The following TAF6 variants were observed in gnomAD, a reference collection of about 807,000 sequenced individuals.
TAF6 encodes the protein TATA-box binding protein associated factor 6.
Under a neutral mutation model 73.5 loss-of-function variants are expected in TAF6, and 50 were observed. The observed-to-expected ratio is 0.68, with a 90% CI of 0.54 to 0.86. The LOEUF (loss-of-function observed/expected upper bound fraction) is 0.86, where lower values mean the gene tolerates loss of function less well. Among genes scored for constraint, TAF6 ranks in the 40% least tolerant of loss-of-function variants. The pLI is 0.00. For missense variants in TAF6, 768 were observed against 899.5 expected, an observed-to-expected ratio of 0.85 and a Z score of 1.87; for synonymous variants, 424 against 376.7, an observed-to-expected ratio of 1.13 and a Z score of -1.45.
At chr7:100,119,066 G>A (rs2116872754) in intron 1 of TAF6, 138 bp downstream of exon 1, 1 of 986,118 alleles carries the variant, frequency 1.0e-6, no homozygotes, top group Non-Finnish European at 1.2e-6. Flanking sequence ...TAACTTAAGC[G>A]AGATCCCAGC....
the TAF6 span, among the ~76,000 whole-genome samples, chr7:100,126,301 C>T: frequency 3.3e-5 from 5 of 152,146 alleles, no homozygotes; most frequent in Admixed American, 3.3e-4. Flanking sequence ...GAGATCACGC[C>T]ACTGCACTCT....
At chr7:100,116,134 A>G (rs977019698) in intron 1 of TAF6, among the ~76,000 whole-genome samples, 3 of 152,170 alleles carry the variant, frequency 2.0e-5, no homozygotes, top group African/African-American at 7.2e-5. Context: ...GTTGCAGCCA[A>G]AATGCTTCTG....
rs757488398 is a variant in TAF6, at chr7:100,111,796, G to A, written c.832C>T (p.Leu278=). 6.2e-7 allele frequency: 1 copy of A among 1,614,222 alleles called. No homozygotes were observed. The highest frequency in any genetic ancestry group is 1.1e-5 in the South Asian group (1 of 91,084). ...ACCATACGCATCAGGTAGATGAGTAGGGCCAGGTTGTTCTGAACCACGTTC... is the reference window on the plus strand; with the variant it reads ...ACCATACGCATCAGGTAGATGAGTAAGGCCAGGTTGTTCTGAACCACGTTC... The part of the protein sequence containing the change: ...RVNVVQNNLA[L]LIYLMRMVKA... The change falls in exon 9 of 15, where the codon CTA becomes TTA. Residue 278 remains leucine, a synonymous_variant. Coordinates refer to ENST00000453269, the MANE Select transcript of TAF6 (RefSeq NM_139315.3).
rs1797148584 is a variant in TAF6, at chr7:100,111,132, G to T, written c.1083+7C>A. On this transcript the variant is annotated splice_region_variant and intron_variant, in intron 10 of 14. Coordinates refer to ENST00000453269, the MANE Select transcript of TAF6 (RefSeq NM_139315.3). ...AAGCAAATGACGCTCAAGTTTTCCT[G>T]GCTCACCTTGGTGAAGGTCTTGGTG... 1.2e-6 allele frequency: 2 copies of T among 1,610,634 alleles called. No individual in the cohort carries two copies. Among genetic ancestry groups the T allele is most frequent in the Admixed American group, 1.7e-5 (1 of 59,914 alleles).
chr7:100,108,358 G>A lies in TAF6; in HGVS notation c.1458+9C>T. On this transcript the variant is annotated intron_variant, in intron 13 of 14. Transcript: ENST00000453269. ...TCCTCCTATTCCTCCTCCCCACCCG[G>A]CCACGGACCTGCGTGATGGTCAGAG... 1 of 1,591,966 alleles carries A rather than the reference G, an allele frequency of 6.3e-7. No homozygotes were observed. Among genetic ancestry groups the A allele is most frequent in the Non-Finnish European group, 8.6e-7 (1 of 1,165,724 alleles).
At chr7:100,122,680 A>AC, upstream of TAF6, 1 of 1,522,264 alleles carries the variant, frequency 6.6e-7, no homozygotes, top group East Asian at 2.3e-5. Flanking sequence ...CCATCATGGA[A>AC]CTCACCCTTG....
rs1467702767 is a variant in TAF6 at position 100,112,881 on chromosome 7, G to A, written c.491C>T (p.Pro164Leu). 6.2e-7 allele frequency: 1 copy of A among 1,613,682 alleles called. No homozygotes were observed. Among genetic ancestry groups the A allele is most frequent in the East Asian group, 2.2e-5 (1 of 44,872 alleles). ...KEQQKAEATEPLKSAKPGQEE... is the reference protein window; with the variant it reads ...KEQQKAEATELLKSAKPGQEE... ...CTGGCCTGGCTTGGCTGACTTCAGG[G>A]GTTCTGTGGCTTCAGCCTTCTGTTG... is the stretch of plus-strand genomic sequence containing the variant. Residue 164 changes from proline to leucine, a missense_variant, in exon 6 of 15, where the codon CCC becomes CTC. Physicochemically the swap from Pro to Leu is moderately conservative, Grantham distance 98. Coordinates refer to ENST00000453269, the MANE Select transcript of TAF6 (RefSeq NM_139315.3).
chr7:100,114,879 C>T (rs774840641), intron 1 of TAF6, among the ~76,000 whole-genome samples: 3 of 152,004 alleles, frequency 2.0e-5, no homozygotes, highest in Non-Finnish European at 2.9e-5. Flanking sequence ...GCTGGGTATG[C>T]AGGCACAGGG....
chr7:100,121,830 C>G (rs1014180935), upstream of TAF6, among the ~76,000 whole-genome samples: 1 of 151,224 alleles, frequency 6.6e-6, no homozygotes, highest in African/African-American at 2.4e-5. Flanking sequence ...GCGGGCGGAT[C>G]ACAAGGTCAG....
chr7:100,108,577 TG>T, intron 12 of TAF6, 37 bp from the exon 13 acceptor site: 10 of 1,562,266 alleles, frequency 6.4e-6, no homozygotes, highest in African/African-American at 2.7e-5. Context: ...GAGGGAGGGC[TG>T]GGGAAAAAAG....
At position 100,113,620 on chromosome 7, in the gene TAF6, G is replaced by C. The variant is rs144801787; in HGVS notation, c.393C>G (p.Leu131=). Residue 131 remains leucine, a synonymous_variant, in exon 4 of 15, where the codon CTC becomes CTG. Transcript: ENST00000453269. The part of the protein sequence containing the change: ...PLPRVPLDVC[L]KAHWLSIEGC... ...CCTGCTCTCCCCTCCCCCAACCTTT[G>C]AGGCAGACGTCCAGGGGCACCCGGG... 3 of 1,613,834 alleles carry C rather than the reference G, an allele frequency of 1.9e-6. No homozygotes were observed. The highest frequency in any genetic ancestry group is 1.7e-5 in the Admixed American group (1 of 59,962).
At chr7:100,114,571 T>C in intron 1 of TAF6, 1 of 578,802 alleles carries the variant, frequency 1.7e-6, no homozygotes, top group Non-Finnish European at 3.1e-6. Flanking sequence ...AATACAAAAA[T>C]TAGCAGGGCG....
upstream of TAF6, among the ~76,000 whole-genome samples, chr7:100,123,939 G>A (rs1798149007): frequency 6.6e-6 from 1 of 152,148 alleles, no homozygotes; most frequent in African/African-American, 2.4e-5. Flanking sequence ...GACCAGCCGG[G>A]CCATCATAGT....
At chr7:100,108,318 G>T in intron 13 of TAF6, 49 bp downstream of exon 13, 1 of 1,553,018 alleles carries the variant, frequency 6.4e-7, no homozygotes, top group Non-Finnish European at 8.7e-7. Flanking sequence ...TCCCACACAG[G>T]GGTTCTCCTC....
intron 14 of TAF6, 93 bp from the exon 15 acceptor site, chr7:100,107,716 A>G: frequency 6.6e-7 from 1 of 1,525,524 alleles, no homozygotes. Context: ...CTGCCTGAAC[A>G]AGTTGTTCCT....
In TAF6 at chr7:100,112,869, G is replaced by C. The variant is rs759102749; in HGVS notation, c.503C>G (p.Ala168Gly). 1.2e-6 allele frequency: 2 copies of C among 1,613,810 alleles called. No homozygotes were observed. The highest frequency in any genetic ancestry group is 1.7e-6 in the Non-Finnish European group (2 of 1,179,764). The change falls in exon 6 of 15, where the codon GCC (alanine) becomes GGC (glycine). Residue 168 changes from alanine (A) to glycine (G), a missense_variant. Coordinates refer to ENST00000453269, the MANE Select transcript of TAF6 (RefSeq NM_139315.3). ...KAEATEPLKS[A>G]KPGQEEDGPL... ...TCCGTCTTCCTCCTGGCCTGGCTTG[G>C]CTGACTTCAGGGGTTCTGTGGCTTC...
In TAF6 at chr7:100,113,845, C is replaced by G. The variant is rs368823730; in HGVS notation, c.243+23G>C. On this transcript the variant is annotated intron_variant, in intron 3 of 14. Coordinates refer to ENST00000453269, the MANE Select transcript of TAF6 (RefSeq NM_139315.3). The stretch of plus-strand genomic sequence containing the variant: ...GCTGAAGGATGGCGTCTCACCCCCC[C>G]CCCGCCTGTCTCCCCAAATCACCTC... 5.7e-4 allele frequency: 920 copies of G among 1,603,964 alleles called. 5 individuals are homozygous for G. The African/African-American group carries it at 0.012, about 21-fold the overall frequency.
At chr7:100,117,106 C>T (rs1374462521) in intron 1 of TAF6, among the ~76,000 whole-genome samples, 4 of 151,724 alleles carry the variant, frequency 2.6e-5, no homozygotes, top group East Asian at 2.0e-4. Flanking sequence ...ATTAGCTGGG[C>T]GTGGTGATGT....
upstream of TAF6, chr7:100,122,193 T>G: frequency 1.3e-6 from 2 of 1,596,050 alleles, no homozygotes; most frequent in Non-Finnish European, 1.7e-6. Context: ...CCTCAGGTCA[T>G]CTGCAGAATG....
Sources: allele counts gnomAD v4.1 joint callset (sites outside exome capture counted in the v4.1 genomes callset), GRCh38; gene constraint gnomAD v4.1.1; transcripts MANE v1.5; gene names NCBI Gene and HGNC (gene_info 2026-07-23, HGNC 2026-07-21).